Variants in PLRG1 observed in about 807,000 individuals in gnomAD.
PLRG1 encodes pleiotropic regulator 1, also known as pleiotropic regulator 1 (PRL1 homolog, Arabidopsis).
Under a neutral mutation model 74.9 loss-of-function variants are expected in PLRG1, and 28 were observed. The ratio of observed to expected loss-of-function variants is 0.37; its 90% CI spans 0.28 to 0.51. The LOEUF (loss-of-function observed/expected upper bound fraction) is 0.51. PLRG1 is among the 20% of genes least tolerant of loss of function. The probability of loss-of-function intolerance (pLI) is 0.91; values close to 1 mark genes in which losing one functional copy is unlikely to be tolerated. For missense variants in PLRG1, 445 were observed against 631.9 expected, an observed-to-expected ratio of 0.70 and a Z score of 3.17; for synonymous variants, 197 against 212.4, an observed-to-expected ratio of 0.93 and a Z score of 0.63.
chr4:154,541,992 A>G (rs1173235337), intron 8 of PLRG1, 195 bp downstream of exon 8: 1 of 550,794 alleles, frequency 1.8e-6, no homozygotes, highest in Non-Finnish European at 3.3e-6. Flanking sequence ...GTAAAGAAAA[A>G]GTGGTTTAAA....
At chr4:154,536,884 T>G in intron 14 of PLRG1, 140 bp from the exon 15 acceptor site, 2 of 550,000 alleles carry the variant, frequency 3.6e-6, no homozygotes, top group Non-Finnish European at 6.4e-6. Context: ...TTAGGAAGAG[T>G]TGATAAACTT....
chr4:154,542,326 T>G, intron 7 of PLRG1, 47 bp from the exon 8 acceptor site: 2 of 1,196,214 alleles, frequency 1.7e-6, no homozygotes, highest in South Asian at 2.4e-5. Flanking sequence ...GAAGTTAAAA[T>G]GTATTTAAGT....
At chr4:154,547,654 T>C (rs1178898671) in intron 3 of PLRG1, 57 bp downstream of exon 3, 2 of 1,517,168 alleles carry the variant, frequency 1.3e-6, no homozygotes, top group African/African-American at 2.7e-5. Flanking sequence ...CATATTTTAT[T>C]TTTCTGTTTT....
chr4:154,547,702 C>G lies in PLRG1; in HGVS notation c.259+9G>C. On this transcript the variant is annotated intron_variant, in intron 3 of 14. Transcript: ENST00000499023. ...ATAAGTCTGACATTTCTGATAATAC[C>G]ATACTCACCTTGATTGGCAGGGTAC... 6.2e-7 allele frequency: 1 copy of G among 1,606,578 alleles called. No individual in the cohort carries two copies. Among genetic ancestry groups the G allele is most frequent in the South Asian group, 1.1e-5 (1 of 90,070 alleles).
At chr4:154,550,255 C>A (rs1184506761) in intron 1 of PLRG1, 45 bp downstream of exon 1, 2 of 1,577,918 alleles carry the variant, frequency 1.3e-6, no homozygotes, top group African/African-American at 2.7e-5. Context: ...CCAAAAAAAA[C>A]AGTCCAGAGA....
chr4:154,540,574 C>T lies in PLRG1; in HGVS notation c.939+20G>A. 3 of 1,503,454 alleles carry T rather than the reference C, an allele frequency of 2.0e-6. No homozygotes were observed. The highest frequency in any genetic ancestry group is 2.3e-5 in the East Asian group (1 of 44,394). 93.1% of individuals were successfully genotyped at this position (1,503,454 alleles called of 1,614,324 possible). Reference sequence around the variant, plus strand: ...GATGCAATATATTTACAGATAAATACACAACTCTATCCCATTTACCCGTGC... The same window carrying T: ...GATGCAATATATTTACAGATAAATATACAACTCTATCCCATTTACCCGTGC... On this transcript the variant is annotated intron_variant, in intron 10 of 14. Coordinates refer to ENST00000499023, the MANE Select transcript of PLRG1 (RefSeq NM_002669.4).
chr4:154,545,835 C>A lies in PLRG1; in HGVS notation c.492+1G>T. ...CTGCTATTTGATGCAGAAAAACTTA[C>A]TGAATTCATCGCTGTAGGCTGTGGA... is the stretch of plus-strand genomic sequence containing the variant. On this transcript the variant is annotated splice_donor_variant, in intron 6 of 14. Coordinates refer to ENST00000499023, the MANE Select transcript of PLRG1 (RefSeq NM_002669.4). LOFTEE classifies it high-confidence loss of function. 6.3e-7 allele frequency: 1 copy of A among 1,584,434 alleles called. No individual in the cohort carries two copies. The highest frequency in any genetic ancestry group is 8.6e-7 in the Non-Finnish European group (1 of 1,157,778).
At chr4:154,542,107 C>A in intron 8 of PLRG1, 80 bp downstream of exon 8, 1 of 882,432 alleles carries the variant, frequency 1.1e-6, no homozygotes, top group Non-Finnish European at 1.9e-6. Flanking sequence ...AATAGCAATT[C>A]CTGCCACAGG....
At chr4:154,550,236 C>G (rs369489297) in intron 1 of PLRG1, 64 bp downstream of exon 1, 3 of 1,416,410 alleles carry the variant, frequency 2.1e-6, no homozygotes, top group African/African-American at 2.9e-5. Flanking sequence ...CAATCCCCCA[C>G]GCGCACTGCC....
chr4:154,547,072 A>G lies in PLRG1; in HGVS notation c.260-8T>C. 2 of 1,607,722 alleles carry G rather than the reference A, an allele frequency of 1.2e-6. No individual in the cohort carries two copies. ...AGTATTCAACTTCTTGTCCTAAAAA[A>G]ACACAAAAAAAATCAACAGTAGTGA... On this transcript the variant is annotated splice_polypyrimidine_tract_variant and splice_region_variant and intron_variant, in intron 3 of 14. Transcript: ENST00000499023.
chr4:154,546,117 T>A lies in PLRG1; in HGVS notation c.404+6A>T. On this transcript the variant is annotated splice_donor_region_variant and intron_variant, in intron 5 of 14. Coordinates refer to ENST00000499023, the MANE Select transcript of PLRG1 (RefSeq NM_002669.4). ...TTAAGATCTTTGTAATTATAATATT[T>A]CATACTTGGTCTGCAAAGGTAATGC... The A allele has an allele frequency of 1.3e-6, 2 of 1,502,608 alleles. No homozygotes were observed. The highest frequency in any genetic ancestry group is 1.8e-6 in the Non-Finnish European group (2 of 1,085,048). The allele number at this position is 1,502,608 out of a possible 1,614,324, so 93.1% of individuals were successfully genotyped here.
intron 6 of PLRG1, among the ~76,000 whole-genome samples, chr4:154,544,809 T>A (rs1388799782): frequency 6.6e-6 from 1 of 152,158 alleles, no homozygotes; most frequent in Non-Finnish European, 1.5e-5. Flanking sequence ...TAGGTAACAA[T>A]CATGTAACCT....
At position 154,545,858 on chromosome 4, in the gene PLRG1, G is replaced by A. The variant is rs1386893094; in HGVS notation, c.470C>T (p.Pro157Leu). 6.2e-7 allele frequency: 1 copy of A among 1,610,424 alleles called. No individual in the cohort carries two copies. The highest frequency in any genetic ancestry group is 8.5e-7 in the Non-Finnish European group (1 of 1,177,016). ...EYRHPGASDR[P>L]QPTAMNSIVM... ...TACTGAATTCATCGCTGTAGGCTGT[G>A]GACGGTCAGAAGCCCCAGGATGTCG... The change falls in exon 6 of 15, where the codon CCA becomes CTA. Residue 157 changes from proline (P) to leucine (L), a missense_variant. By Grantham distance (98) the Pro-to-Leu change is moderately conservative. Coordinates refer to ENST00000499023, the MANE Select transcript of PLRG1 (RefSeq NM_002669.4).
chr4:154,548,980 A>C (rs1218076455), intron 1 of PLRG1, 45 bp from the exon 2 acceptor site: 1 of 1,092,838 alleles, frequency 9.2e-7, no homozygotes, highest in Admixed American at 1.7e-5. Context: ...CAAATTACAC[A>C]AATCATAACC....
Position 154,547,742 on chromosome 4 carries a change from T to A in PLRG1, c.228A>T (p.Ser76=). ...KEKGPQNATD[S]YVHKQYPANQ... The stretch of plus-strand genomic sequence containing the variant: ...TGGCAGGGTACTGTTTATGAACATA[T>A]GAATCCGTTGCATTCTGAGGACCCT... The change falls in exon 3 of 15, where the codon TCA becomes TCT. Residue 76 remains serine (S), a synonymous_variant. Transcript: ENST00000499023. The A allele has an allele frequency of 6.2e-7, 1 of 1,613,284 alleles. No individual in the cohort carries two copies. The highest frequency in any genetic ancestry group is 1.3e-5 in the African/African-American group (1 of 75,034).
intron 3 of PLRG1, 171 bp downstream of exon 3, chr4:154,547,540 C>A (rs1038187329): frequency 8.0e-6 from 5 of 627,792 alleles, no homozygotes; most frequent in South Asian, 4.0e-5. Context: ...AGAAAAAAGT[C>A]ATCAACAGTA....
intron 3 of PLRG1, chr4:154,547,365 T>C (rs572536461): frequency 6.2e-5 from 32 of 514,958 alleles, no homozygotes; most frequent in Non-Finnish European, 1.1e-4. Context: ...TCTTTACTTA[T>C]TAAGATTTCA....
intron 12 of PLRG1, 35 bp from the exon 13 acceptor site, chr4:154,538,143 A>G: frequency 8.3e-7 from 1 of 1,200,596 alleles, no homozygotes; most frequent in Non-Finnish European, 1.2e-6. Flanking sequence ...ACGACAAAGT[A>G]AACCAAGTTA....
In PLRG1 at chr4:154,536,729, G is replaced by T; in HGVS notation, c.1501C>A (p.Pro501Thr). ...ATAATTTCTGGTTTCCAGCTGACTG[G>T]ATGAGTTTCTTCTGTCTAAAAATAG... ...EDDTATEETH[P>T]VSWKPEIIKR... is the part of the protein sequence containing the mutation. The change falls in exon 15 of 15, where the codon CCA becomes ACA. Residue 501 changes from proline (P) to threonine (T), a missense_variant. Transcript: ENST00000499023. The T allele has an allele frequency of 6.5e-7, 1 of 1,529,348 alleles. No individual in the cohort carries two copies. Among genetic ancestry groups the T allele is most frequent in the Non-Finnish European group, 8.9e-7 (1 of 1,120,680 alleles). 94.7% of individuals were successfully genotyped at this position (1,529,348 alleles called of 1,614,324 possible). A position where few individuals can be genotyped will look rare whatever the true frequency, so the allele number is the denominator to read the frequency against.
Sources: gnomAD v4.1 joint callset for allele counts (sites outside exome capture counted in the v4.1 genomes callset) on GRCh38, gnomAD v4.1.1 for gene constraint, MANE v1.5 for transcripts, NCBI Gene and HGNC (gene_info 2026-07-23, HGNC 2026-07-21) for gene names.